MMP21: variants seen among roughly 807,000 people sequenced by gnomAD.
The protein encoded by MMP21 is matrix metalloproteinase-21.
Under a neutral mutation model 47.8 loss-of-function variants are expected in MMP21, and 40 were observed. The observed-to-expected ratio is 0.84, with a 90% CI of 0.65 to 1.09. MMP21 has a LOEUF of 1.09. Among genes scored for constraint, MMP21 ranks in the 50% least tolerant of loss-of-function variants. The pLI is 0.00. For synonymous variants in MMP21, 341 were observed against 318.0 expected (o/e 1.07, Z -0.77); for missense variants, 747 against 775.3 (o/e 0.96, Z 0.43).
chr10:125,772,402 C>A lies in MMP21; in HGVS notation c.838-43G>T, dbSNP rs373565059. ...CCATGGGTGCTGGGTGAAGCCTGGG[C>A]GATGGATCCCTGCATAACAGACGCA... On this transcript the variant is annotated intron_variant, in intron 3 of 6. Transcript: ENST00000368808. The surrounding 1 kb of genome is among the most constrained non-coding windows in gnomAD (Gnocchi z 5.6). 6.2e-7 allele frequency: 1 copy of A among 1,611,286 alleles called. No homozygotes were observed. The highest frequency in any genetic ancestry group is 8.5e-7 in the Non-Finnish European group (1 of 1,178,684).
At chr10:125,769,274 C>T (rs369125544) in intron 5 of MMP21, among the ~76,000 whole-genome samples, 1 of 152,194 alleles carries the variant, frequency 6.6e-6, no homozygotes, top group African/African-American at 2.4e-5. Flanking sequence ...CCATGACCCC[C>T]CAGGCTCCAT....
rs1226695837 is a variant in MMP21 at position 125,772,797 on chromosome 10, C to T, written c.698-47G>A. ...TGGTCCCGGTGAAGGATGAGTGCCCCCCATACAGACTCCTCACCTAGGGGG... is the reference window on the plus strand; with the variant it reads ...TGGTCCCGGTGAAGGATGAGTGCCCTCCATACAGACTCCTCACCTAGGGGG... On this transcript the variant is annotated intron_variant, in intron 2 of 6. Transcript: ENST00000368808. This position sits in a 1 kb window ranked among gnomAD's most constrained non-coding sequence, Gnocchi z 5.6. 1.9e-6 allele frequency: 3 copies of T among 1,596,102 alleles called. 1 individual carries two copies. The highest frequency in any genetic ancestry group is 2.2e-5 in the South Asian group (2 of 90,322).
At chr10:125,768,577 T>C (rs1850411085) in intron 5 of MMP21, among the ~76,000 whole-genome samples, 1 of 152,242 alleles carries the variant, frequency 6.6e-6, no homozygotes, top group South Asian at 2.1e-4. Context: ...AGCAACCAAA[T>C]ATTTAATATA....
chr10:125,766,546 T>G lies in MMP21; in HGVS notation c.*116A>C. 1.3e-6 allele frequency: 1 copy of G among 757,290 alleles called. No individual in the cohort carries two copies. Among genetic ancestry groups the G allele is most frequent in the Non-Finnish European group, 2.0e-6 (1 of 490,868 alleles). 46.9% of individuals were successfully genotyped at this position (757,290 alleles called of 1,614,324 possible). ...AAAGTTCAACTAAGGCTTTTCCCATTGGGTTTTAACTTACAGTGCCATATT... is the reference window on the plus strand; with the variant it reads ...AAAGTTCAACTAAGGCTTTTCCCATGGGGTTTTAACTTACAGTGCCATATT... On this transcript the variant is annotated 3_prime_UTR_variant, in exon 7 of 7. Coordinates refer to ENST00000368808, the MANE Select transcript of MMP21 (RefSeq NM_147191.1).
chr10:125,774,471 G>C (rs1031162954), intron 1 of MMP21, 106 bp from the exon 2 acceptor site: 2 of 734,550 alleles, frequency 2.7e-6, no homozygotes, highest in Non-Finnish European at 3.8e-6. Context: ...TAGAGACAGA[G>C]ACAGAGAGAA....
intron 1 of MMP21, 56 bp downstream of exon 1, chr10:125,775,604 C>T (rs1850507909): frequency 1.2e-5 from 18 of 1,518,638 alleles, no homozygotes; most frequent in Non-Finnish European, 1.5e-5. Context: ...TGCGCATGTG[C>T]CTGTGTGCAC....
Position 125,772,146 on chromosome 10 carries a change from A to AGCGG in MMP21, c.979+68_979+71dup. 1.3e-6 allele frequency: 2 copies of AGCGG among 1,565,520 alleles called. No individual in the cohort carries two copies. Among genetic ancestry groups the AGCGG allele is most frequent in the Non-Finnish European group, 1.7e-6 (2 of 1,143,972 alleles). Reference sequence around the variant, plus strand: ...AGGCCCAGTTTCCCAGTGAGGAGTGAGCGGGGTCCTACAGTGCTCTGGAAT... The same window carrying AGCGG: ...AGGCCCAGTTTCCCAGTGAGGAGTGAGCGGGCGGGGTCCTACAGTGCTCTGGAAT... On this transcript the variant is annotated intron_variant, in intron 4 of 6. Coordinates refer to ENST00000368808, the MANE Select transcript of MMP21 (RefSeq NM_147191.1). This position sits in a 1 kb window ranked among gnomAD's most constrained non-coding sequence, Gnocchi z 5.6.
Position 125,766,594 on chromosome 10 carries a change from G to A in MMP21, c.*68C>T. ...ATTTTCTTCAGCTACTGAAAATCCG[G>A]TTTTCTTTGTAAACAGTATCAGAAT... On this transcript the variant is annotated 3_prime_UTR_variant, in exon 7 of 7. Transcript: ENST00000368808. The A allele has an allele frequency of 7.3e-7, 1 of 1,362,660 alleles. No individual in the cohort carries two copies. Among genetic ancestry groups the A allele is most frequent in the Non-Finnish European group, 9.9e-7 (1 of 1,015,096 alleles). 84.4% of individuals were successfully genotyped at this position (1,362,660 alleles called of 1,614,324 possible).
Position 125,770,591 on chromosome 10 carries a change from C to T in MMP21, c.980G>A (p.Gly327Asp), listed in dbSNP as rs748304289. ...AGTATCAAATGATCCCTCACAGGAG[C>T]CTTAAAAAAACAAACAAAAAACAGC... ...SDRKAIQKLY[G>D]SCEGSFDTAF... The change falls in exon 5 of 7, where the codon GGC (glycine) becomes GAC (aspartate). Residue 327 changes from glycine (G) to aspartate (D), a missense_variant and splice_region_variant. Physicochemically the swap from Gly to Asp is moderately conservative, Grantham distance 94. Transcript: ENST00000368808. 3 of 1,610,968 alleles carry T rather than the reference C, an allele frequency of 1.9e-6. No homozygotes were observed. The highest frequency in any genetic ancestry group is 2.5e-6 in the Non-Finnish European group (3 of 1,178,446).
At position 125,774,359 on chromosome 10, in the gene MMP21, G is replaced by A. The variant is rs1490692648; in HGVS notation, c.169C>T (p.Leu57=). 1 of 1,361,008 alleles carries A rather than the reference G, an allele frequency of 7.3e-7. No homozygotes were observed. The highest frequency in any genetic ancestry group is 9.4e-7 in the Non-Finnish European group (1 of 1,060,426). The allele number at this position is 1,361,008 out of a possible 1,614,324, so 84.3% of individuals were successfully genotyped here. Residue 57 remains leucine (L), a synonymous_variant, in exon 2 of 7, where the codon CTG becomes TTG. Transcript: ENST00000368808. ...IADLHAAQRF[L]SRYGWSGVWA... is the part of the protein sequence containing the mutation. ...ACCCCTGACCAGCCGTATCTGGACA[G>A]GAACCGCTGTGGGAGAGAAAGGCAC...
rs1433989326 is a variant in MMP21, at chr10:125,773,242, T to C, written c.698-492A>G. Among the ~76,000 whole-genome samples the C allele has an allele frequency of 6.6e-6, 1 of 152,098 alleles. No homozygotes were observed. Among genetic ancestry groups the C allele is most frequent in the African/African-American group, 2.4e-5 (1 of 41,428 alleles). ...CAAAGCGGCTTGTCTGCTTGCTGCT[T>C]GTCTCTGACCACTTCCATGCCCTCA... On this transcript the variant is annotated intron_variant, in intron 2 of 6. Transcript: ENST00000368808. This position sits in a 1 kb window ranked among gnomAD's most constrained non-coding sequence, Gnocchi z 4.8.
At chr10:125,774,965 G>A (rs1180361952) in intron 1 of MMP21, among the ~76,000 whole-genome samples, 1 of 152,192 alleles carries the variant, frequency 6.6e-6, no homozygotes. Flanking sequence ...GGAGGTCAGC[G>A]GCCTCCACGC....
intron 4 of MMP21, among the ~76,000 whole-genome samples, chr10:125,771,699 G>C (rs560988824): frequency 2.0e-5 from 3 of 152,292 alleles, no homozygotes; most frequent in African/African-American, 7.2e-5. Context: ...CACTGTGCCC[G>C]GCCTAGGGAC....
Position 125,770,451 on chromosome 10 carries a change from TC to T in MMP21, c.1119del (p.Thr374HisfsTer21). 1 of 1,614,206 alleles carries T rather than the reference TC, an allele frequency of 6.2e-7. No homozygotes were observed. Among genetic ancestry groups the T allele is most frequent in the Non-Finnish European group, 8.5e-7 (1 of 1,180,038 alleles). ...ATTTGGATAGGGTCCCCATAGCGTG[TC>T]CTATTGTTTCGATTTTCATAAAGCC... ...WYWLYENRNNRTRYGDPIQIL... is the reference protein window; with the variant it reads ...WYWLYENRNNXTRYGDPIQIL... On this transcript the variant is annotated frameshift_variant, in exon 5 of 7. Coordinates refer to ENST00000368808, the MANE Select transcript of MMP21 (RefSeq NM_147191.1). LOFTEE classifies it high-confidence loss of function.
chr10:125,769,224 G>A (rs541024769), intron 5 of MMP21, among the ~76,000 whole-genome samples: 1 of 152,232 alleles, frequency 6.6e-6, no homozygotes, highest in Non-Finnish European at 1.5e-5. Flanking sequence ...AAGGAGCAGC[G>A]GCAGTAAGAG....
intron 5 of MMP21, 61 bp from the exon 6 acceptor site, chr10:125,767,765 GAC>G: frequency 2.6e-6 from 4 of 1,560,352 alleles, no homozygotes; most frequent in Non-Finnish European, 3.5e-6. Flanking sequence ...TGACAAAAAG[GAC>G]AGTTTTCAAT....
rs28381312 is a variant in MMP21 at position 125,768,601 on chromosome 10, A to G, written c.1238-897T>C. ...ATATTTAATATACTTGGAAAATTTC[A>G]CCATTAACAGTGTGACGTTCATCCA... On this transcript the variant is annotated intron_variant, in intron 5 of 6. Transcript: ENST00000368808. 1.9e-3 allele frequency among the ~76,000 whole-genome samples: 296 copies of G among 152,338 alleles called. 1 individual carries two copies. Among genetic ancestry groups the G allele is most frequent in the Admixed American group, 7.3e-3 (111 of 15,298 alleles).
rs766280445 is a variant in MMP21 at position 125,775,800 on chromosome 10, G to C, written c.22C>G (p.Arg8Gly). MLAASIF[R>G]PTLLLCWLAA... ...AGCCAGCAGAGCAGCAGTGTCGGACGGAAGATGGAGGCGGCGAGCATTGGC... is the reference window on the plus strand; with the variant it reads ...AGCCAGCAGAGCAGCAGTGTCGGACCGAAGATGGAGGCGGCGAGCATTGGC... Residue 8 changes from arginine to glycine, a missense_variant, in exon 1 of 7, where the codon CGT becomes GGT. Arg to Gly is a moderately radical substitution (Grantham distance 125). Coordinates refer to ENST00000368808, the MANE Select transcript of MMP21 (RefSeq NM_147191.1). The C allele has an allele frequency of 1.2e-6, 2 of 1,610,858 alleles. No individual in the cohort carries two copies. Among genetic ancestry groups the C allele is most frequent in the South Asian group, 1.1e-5 (1 of 90,718 alleles).
intron 6 of MMP21, 149 bp downstream of exon 6, chr10:125,767,383 C>T (rs1032328214): frequency 9.9e-6 from 7 of 705,496 alleles, no homozygotes; most frequent in Non-Finnish European, 1.6e-5. Context: ...CTTAAGCGAT[C>T]CGCCCACCTT....
Sources: gnomAD v4.1 joint callset for allele counts (sites outside exome capture counted in the v4.1 genomes callset) on GRCh38, gnomAD v4.1.1 for gene constraint, Gnocchi (gnomAD v3.1) non-coding constraint, MANE v1.5 for transcripts, NCBI Gene and HGNC (gene_info 2026-07-23, HGNC 2026-07-21) for gene names.